ORC3: variants seen among roughly 807,000 people sequenced by gnomAD.
The protein encoded by ORC3 is homolog of latheo, Drosophila.
In ORC3, 78 loss-of-function variants were observed where a neutral mutation model predicts 100.7. The observed-to-expected ratio is 0.77, with a 90% CI of 0.65 to 0.94. The LOEUF (loss-of-function observed/expected upper bound fraction) is 0.94. ORC3 is among the 40% of genes least tolerant of loss of function. ORC3 has a pLI of 0.00. For synonymous variants in ORC3, 295 were observed against 289.3 expected, an observed-to-expected ratio of 1.02 and a Z score of -0.20; for missense variants, 789 against 823.9, an observed-to-expected ratio of 0.96 and a Z score of 0.52.
chr6:87,614,272 G>T (rs1205586390), intron 8 of ORC3, among the ~76,000 whole-genome samples: 1 of 152,188 alleles, frequency 6.6e-6, no homozygotes, highest in African/African-American at 2.4e-5. Context: ...GCCACAGCTG[G>T]AGTGGCTAGG....
chr6:87,634,381 T>C (rs1767656247), intron 11 of ORC3, among the ~76,000 whole-genome samples: 1 of 152,176 alleles, frequency 6.6e-6, no homozygotes, highest in Non-Finnish European at 1.5e-5. Context: ...TGAGTAGTAC[T>C]TTAGGAAAAG....
chr6:87,636,526 A>G (rs773118534), intron 13 of ORC3, 40 bp downstream of exon 13: 8 of 1,342,792 alleles, frequency 6.0e-6, no homozygotes, highest in South Asian at 1.2e-5. Context: ...TTTGTCTGCT[A>G]TAAGCCTGCC....
chr6:87,590,260 C>T, intron 1 of ORC3, 68 bp downstream of exon 1: 8 of 1,520,128 alleles, frequency 5.3e-6, no homozygotes, highest in Non-Finnish European at 6.4e-6. Context: ...AGGGATGAAG[C>T]CGAGGTTACG....
At chr6:87,592,588 C>T (rs1777114658) in intron 1 of ORC3, among the ~76,000 whole-genome samples, 1 of 151,910 alleles carries the variant, frequency 6.6e-6, no homozygotes, top group South Asian at 2.1e-4. Flanking sequence ...AAGATTGTGC[C>T]ATTGCACTCT....
chr6:87,675,938 A>G, the ORC3 span: 10 of 1,607,096 alleles, frequency 6.2e-6, no homozygotes, highest in Non-Finnish European at 8.5e-6. Flanking sequence ...TGTTCTATAA[A>G]TAAAGGTACT....
chr6:87,597,678 T>TAC (rs1245994243), intron 2 of ORC3, among the ~76,000 whole-genome samples: 373 of 136,716 alleles, frequency 2.7e-3, no homozygotes, highest in African/African-American at 6.5e-3. Context: ...GATATATATA[T>TAC]ATACACACAC....
At position 87,655,744 on chromosome 6, in the gene ORC3, C is replaced by T. The variant is rs993303635; in HGVS notation, c.1517-1162C>T. ...CTCGAACTCCTTGTCTCAAGTGATC[C>T]TCACACCATGGCCTCCCAAAGTGCT... On this transcript the variant is annotated intron_variant, in intron 14 of 19. Coordinates refer to ENST00000392844, the MANE Select transcript of ORC3 (RefSeq NM_012381.4). Among the ~76,000 whole-genome samples the T allele has an allele frequency of 2.6e-5, 4 of 151,822 alleles. No individual in the cohort carries two copies. In the South Asian group the frequency reaches 8.3e-4, roughly 32 times the overall value.
In ORC3 at chr6:87,621,118, A is replaced by T. The variant is rs180690305; in HGVS notation, c.988-236A>T. On this transcript the variant is annotated intron_variant, in intron 9 of 19. Transcript: ENST00000392844. ...CTATCCATTTGCATTAGTTTATCTT[A>T]GTTTGTATTTCAAAGATTACCATTT... 2.8e-3 allele frequency among the ~76,000 whole-genome samples: 433 copies of T among 152,218 alleles called. 1 individual carries two copies. Among genetic ancestry groups the T allele is most frequent in the Non-Finnish European group, 5.4e-3 (364 of 67,970 alleles).
intron 11 of ORC3, among the ~76,000 whole-genome samples, chr6:87,622,334 C>G (rs1274395312): frequency 1.3e-5 from 2 of 152,030 alleles, no homozygotes; most frequent in African/African-American, 2.4e-5. Flanking sequence ...AATCTGCCAG[C>G]AATTTCGTTG....
intron 7 of ORC3, among the ~76,000 whole-genome samples, chr6:87,610,109 A>C (rs1370349071): frequency 6.6e-6 from 1 of 152,140 alleles, no homozygotes; most frequent in East Asian, 1.9e-4. Context: ...TTAGGATGGA[A>C]TTTATTTTGG....
intron 9 of ORC3, among the ~76,000 whole-genome samples, chr6:87,618,710 CAA>C (rs1336250492): frequency 1.3e-5 from 2 of 150,428 alleles, no homozygotes; most frequent in Admixed American, 6.6e-5. Flanking sequence ...GAGGAGGAAA[CAA>C]ATTTGAGGAT....
chr6:87,602,620 G>A (rs1777992178), intron 3 of ORC3, among the ~76,000 whole-genome samples: 1 of 152,000 alleles, frequency 6.6e-6, no homozygotes, highest in Non-Finnish European at 1.5e-5. Flanking sequence ...CGTATTCCAT[G>A]TGATCCTTCA....
At chr6:87,648,112 A>G (rs1429295448) in intron 13 of ORC3, among the ~76,000 whole-genome samples, 2 of 152,188 alleles carry the variant, frequency 1.3e-5, no homozygotes, top group Non-Finnish European at 2.9e-5. Flanking sequence ...AAAGGATGAG[A>G]ATTGCCTGAA....
At chr6:87,634,579 A>C (rs779883421) in intron 11 of ORC3, among the ~76,000 whole-genome samples, 6 of 152,186 alleles carry the variant, frequency 3.9e-5, no homozygotes, top group Admixed American at 3.9e-4. Flanking sequence ...TTGGTGGCCA[A>C]AGTATTGTGG....
At chr6:87,626,166 T>G (rs539115598) in intron 11 of ORC3, among the ~76,000 whole-genome samples, 1 of 152,308 alleles carries the variant, frequency 6.6e-6, no homozygotes, top group East Asian at 1.9e-4. Flanking sequence ...CTTGGCAATG[T>G]GGGCTCTTTT....
intron 13 of ORC3, among the ~76,000 whole-genome samples, chr6:87,650,381 C>G (rs1055073828): frequency 1.3e-5 from 2 of 152,060 alleles, no homozygotes; most frequent in Non-Finnish European, 2.9e-5. Flanking sequence ...ATTTGCAGTT[C>G]TTAGATTTTC....
intron 11 of ORC3, among the ~76,000 whole-genome samples, chr6:87,627,326 C>T (rs868596666): frequency 2.9e-5 from 3 of 102,650 alleles, no homozygotes; most frequent in Admixed American, 1.1e-4. Context: ...GAGGGGGTCT[C>T]GCTCTATCGC....
At chr6:87,645,992 T>C (rs954199553) in intron 13 of ORC3, among the ~76,000 whole-genome samples, 1 of 145,784 alleles carries the variant, frequency 6.9e-6, no homozygotes. Context: ...TTCTTTTTTT[T>C]TTCTTTTTTT....
intron 9 of ORC3, 96 bp downstream of exon 9, chr6:87,616,523 G>T (rs1779164701): frequency 1.8e-6 from 1 of 547,014 alleles, no homozygotes; most frequent in Non-Finnish European, 3.4e-6. Context: ...ATTTTAAATG[G>T]CAAAATCTAG....
Sources: allele counts gnomAD v4.1 joint callset (sites outside exome capture counted in the v4.1 genomes callset), GRCh38; gene constraint gnomAD v4.1.1; transcripts MANE v1.5; gene names NCBI Gene and HGNC (gene_info 2026-07-23, HGNC 2026-07-21).